Variants in SLC24A2 observed in about 807,000 individuals in gnomAD.
SLC24A2 encodes solute carrier family 24 member 2.
A neutral mutation model predicts 62.0 loss-of-function variants in SLC24A2; 36 were observed. That is an observed-to-expected ratio of 0.58 (90% CI 0.44 to 0.77). The LOEUF is 0.77. SLC24A2 is among the 30% of genes least tolerant of loss of function. The probability of loss-of-function intolerance (pLI) is 0.00; values close to 1 mark genes in which losing one functional copy is unlikely to be tolerated. For synonymous variants in SLC24A2, 358 were observed against 294.0 expected (o/e 1.22, Z -2.23); for missense variants, 846 against 817.9 (o/e 1.03, Z -0.42).
intron 2 of SLC24A2, among the ~76,000 whole-genome samples, chr9:19,711,542 A>T (rs879400969): frequency 6.6e-6 from 1 of 152,246 alleles, no homozygotes; most frequent in Non-Finnish European, 1.5e-5. Flanking sequence ...CCTAATTCTT[A>T]TCTTAGTTTT....
intron 2 of SLC24A2, among the ~76,000 whole-genome samples, chr9:19,698,441 T>C (rs185553612): frequency 3.8e-4 from 58 of 152,330 alleles, no homozygotes; most frequent in African/African-American, 1.3e-3. Flanking sequence ...AAAACACTTC[T>C]GGTTCCAAGC....
chr9:20,051,043 C>T, the SLC24A2 span, among the ~76,000 whole-genome samples: 40 of 151,936 alleles, frequency 2.6e-4, no homozygotes, highest in Non-Finnish European at 3.8e-4. Flanking sequence ...AAATATATCA[C>T]TAATTATATT....
chr9:20,192,158 G>T, the SLC24A2 span, among the ~76,000 whole-genome samples: 3 of 152,292 alleles, frequency 2.0e-5, 1 homozygote, highest in East Asian at 5.8e-4. Flanking sequence ...AGATGGGAAA[G>T]GTCTATGAAG....
At chr9:20,290,198 A>G in the SLC24A2 span, among the ~76,000 whole-genome samples, 3 of 152,242 alleles carry the variant, frequency 2.0e-5, no homozygotes, top group Admixed American at 6.5e-5. Context: ...GAGTGCAGCA[A>G]GCAGGATAAG....
chr9:19,638,288 T>G (rs1300817002), intron 2 of SLC24A2, among the ~76,000 whole-genome samples: 3 of 152,190 alleles, frequency 2.0e-5, no homozygotes, highest in Admixed American at 6.5e-5. Context: ...AAGGTTATTT[T>G]CCTCCATTTG....
At chr9:20,090,224 G>A in the SLC24A2 span, among the ~76,000 whole-genome samples, 1 of 152,160 alleles carries the variant, frequency 6.6e-6, no homozygotes, top group Non-Finnish European at 1.5e-5. Flanking sequence ...TGATTGTACT[G>A]AGTGATTGCT....
the SLC24A2 span, among the ~76,000 whole-genome samples, chr9:20,225,865 C>A: frequency 3.3e-5 from 5 of 151,684 alleles, no homozygotes; most frequent in African/African-American, 9.7e-5. Flanking sequence ...AGCATTTGTT[C>A]CTCTTGTTTA....
At chr9:20,112,564 G>T in the SLC24A2 span, among the ~76,000 whole-genome samples, 25 of 152,006 alleles carry the variant, frequency 1.6e-4, no homozygotes, top group Admixed American at 1.2e-3. Flanking sequence ...TTATAGCTTG[G>T]GTTTAAACCT....
chr9:19,788,524 C>T (rs1823247036), intron 1 of SLC24A2: 1 of 985,456 alleles, frequency 1.0e-6, no homozygotes, highest in South Asian at 4.7e-5. Flanking sequence ...AAAGGACAGA[C>T]GCCCCACCTG....
At chr9:19,850,967 GTATATATATA>G in the SLC24A2 span, among the ~76,000 whole-genome samples, 6 of 18,192 alleles carry the variant, frequency 3.3e-4, no homozygotes, top group Non-Finnish European at 7.3e-4. Flanking sequence ...ATATATATAT[GTATATATATA>G]TATATATGTA....
At chr9:19,644,336 A>G (rs1349796320) in intron 2 of SLC24A2, among the ~76,000 whole-genome samples, 1 of 152,132 alleles carries the variant, frequency 6.6e-6, no homozygotes, top group South Asian at 2.1e-4. Context: ...GCCTAAGTAG[A>G]TATGTTTGTA....
At chr9:20,284,098 G>A in the SLC24A2 span, among the ~76,000 whole-genome samples, 1 of 152,112 alleles carries the variant, frequency 6.6e-6, no homozygotes, top group South Asian at 2.1e-4. Flanking sequence ...GAGGCAATGC[G>A]ATAATTGCCG....
the SLC24A2 span, among the ~76,000 whole-genome samples, chr9:20,072,167 G>C: frequency 5.9e-5 from 9 of 152,092 alleles, no homozygotes; most frequent in African/African-American, 1.9e-4. Context: ...TATGATTGAA[G>C]CATGGATAAT....
At chr9:19,938,478 A>AAAGAGAAAT in the SLC24A2 span, among the ~76,000 whole-genome samples, 1 of 152,162 alleles carries the variant, frequency 6.6e-6, no homozygotes, top group Non-Finnish European at 1.5e-5. Context: ...TTTCATGGTG[A>AAAGAGAAAT]TTAATAGAGG....
chr9:19,937,210 A>T, the SLC24A2 span, among the ~76,000 whole-genome samples: 2 of 152,334 alleles, frequency 1.3e-5, no homozygotes, highest in Non-Finnish European at 2.9e-5. Context: ...CCACAAGATG[A>T]AAACAGACCA....
the SLC24A2 span, among the ~76,000 whole-genome samples, chr9:19,924,849 A>G: frequency 6.6e-6 from 1 of 152,182 alleles, no homozygotes. Flanking sequence ...TGTTTGCCCC[A>G]TAATTACTAT....
chr9:19,574,486 G>C (rs192909332), intron 6 of SLC24A2, among the ~76,000 whole-genome samples: 43 of 152,226 alleles, frequency 2.8e-4, no homozygotes, highest in Admixed American at 2.6e-3. Flanking sequence ...CTGAAATTCA[G>C]CTTCTTCATC....
the SLC24A2 span, among the ~76,000 whole-genome samples, chr9:20,137,887 T>A: frequency 6.6e-6 from 1 of 152,216 alleles, no homozygotes; most frequent in Non-Finnish European, 1.5e-5. Flanking sequence ...TGATGATAAC[T>A]AAGTTTAAAA....
At chr9:20,080,064 T>C in the SLC24A2 span, among the ~76,000 whole-genome samples, 105 of 152,306 alleles carry the variant, frequency 6.9e-4, no homozygotes, top group Non-Finnish European at 1.2e-3. Context: ...AGGTAATTTA[T>C]AGATTCAATG....
Sources: gnomAD v4.1 joint callset for allele counts (sites outside exome capture counted in the v4.1 genomes callset) on GRCh38, gnomAD v4.1.1 for gene constraint, MANE v1.5 for transcripts, NCBI Gene and HGNC (gene_info 2026-07-23, HGNC 2026-07-21) for gene names.